Variants in LTBP2 observed in about 807,000 individuals in gnomAD.
LTBP2 encodes latent transforming growth factor beta binding protein 2.
LTBP2 carries 103 observed loss-of-function variants against 210.6 expected under a neutral mutation model. That is an observed-to-expected ratio of 0.49 (90% CI 0.42 to 0.58). LTBP2 has a LOEUF of 0.58. Ranked by LOEUF, LTBP2 falls within the 20% of genes least tolerant of loss-of-function variation. The pLI is 0.00. For missense variants in LTBP2, 2,313 were observed against 2,494.5 expected, an observed-to-expected ratio of 0.93 and a Z score of 1.55; for synonymous variants, 1,007 against 1,015.0, an observed-to-expected ratio of 0.99 and a Z score of 0.15.
chr14:74,582,200 G>A (rs1034668998), intron 3 of LTBP2, among the ~76,000 whole-genome samples: 1 of 151,690 alleles, frequency 6.6e-6, no homozygotes, highest in African/African-American at 2.4e-5. Context: ...CCCAGTGGAG[G>A]TCCCTCCCAT....
intron 2 of LTBP2, among the ~76,000 whole-genome samples, chr14:74,596,718 G>C (rs2088370263): frequency 1.3e-5 from 2 of 152,226 alleles, no homozygotes; most frequent in African/African-American, 4.8e-5. Flanking sequence ...TTGGTAATGG[G>C]TTGATGTCAA....
intron 21 of LTBP2, 72 bp from the exon 22 acceptor site, chr14:74,509,435 G>T (rs1449013965): frequency 6.2e-7 from 1 of 1,602,624 alleles, no homozygotes; most frequent in Non-Finnish European, 8.5e-7. Flanking sequence ...GAACCTCACC[G>T]TGGCTTCCCT....
chr14:74,586,103 G>A lies in LTBP2; in HGVS notation c.581C>T (p.Pro194Leu), dbSNP rs377678370. Residue 194 changes from proline (P) to leucine (L), a missense_variant, in exon 3 of 36, where the codon CCG (proline) becomes CTG (leucine). Transcript: ENST00000261978. The surrounding 1 kb of genome is among the most constrained non-coding windows in gnomAD (Gnocchi z 4.6). ...NHCIKPVCEP[P>L]CQNRGSCSRP... Reference sequence around the variant, plus strand: ...GCTGCAGGAGCCCCGGTTCTGGCACGGCGGCTCGCAAACGGCTGAGGACAC... The same window carrying A: ...GCTGCAGGAGCCCCGGTTCTGGCACAGCGGCTCGCAAACGGCTGAGGACAC... 49 of 1,596,744 alleles carry A rather than the reference G, an allele frequency of 3.1e-5. No homozygotes were observed. Among genetic ancestry groups the A allele is most frequent in the Admixed American group, 8.7e-5 (5 of 57,314 alleles).
Position 74,611,984 on chromosome 14 carries a change from G to C in LTBP2, c.-40C>G. Reference sequence around the variant, plus strand: ...GGAGAGTGGTGCGCGCGGGCACCGCGAAGAGCTTTGTGGTCGGCACGCTGG... The same window carrying C: ...GGAGAGTGGTGCGCGCGGGCACCGCCAAGAGCTTTGTGGTCGGCACGCTGG... On this transcript the variant is annotated 5_prime_UTR_variant, in exon 1 of 36. Coordinates refer to ENST00000261978, the MANE Select transcript of LTBP2 (RefSeq NM_000428.3). 2 of 1,514,878 alleles carry C rather than the reference G, an allele frequency of 1.3e-6. No homozygotes were observed. Among genetic ancestry groups the C allele is most frequent in the Non-Finnish European group, 1.8e-6 (2 of 1,140,566 alleles). The allele number at this position is 1,514,878 out of a possible 1,614,324, so 93.8% of individuals were successfully genotyped here.
intron 2 of LTBP2, among the ~76,000 whole-genome samples, chr14:74,597,028 C>T (rs2088375557): frequency 6.6e-6 from 1 of 152,184 alleles, no homozygotes; most frequent in Non-Finnish European, 1.5e-5. Context: ...CATGAGAAGG[C>T]AGCAGATTGT....
At chr14:74,540,541 G>A (rs376410987) in intron 8 of LTBP2, among the ~76,000 whole-genome samples, 5 of 150,634 alleles carry the variant, frequency 3.3e-5, no homozygotes, top group South Asian at 2.1e-4. Flanking sequence ...CGAGGCGGGC[G>A]GATCATGAGG....
At chr14:74,533,577 G>A (rs529918677) in intron 9 of LTBP2, among the ~76,000 whole-genome samples, 4 of 152,232 alleles carry the variant, frequency 2.6e-5, no homozygotes, top group Non-Finnish European at 5.9e-5. Flanking sequence ...CACTGAAGGG[G>A]AAGGGGACAG....
chr14:74,562,706 G>A (rs1459276706), intron 3 of LTBP2, among the ~76,000 whole-genome samples: 1 of 152,176 alleles, frequency 6.6e-6, no homozygotes, highest in African/African-American at 2.4e-5. Flanking sequence ...TGAAAACTAT[G>A]CTGAGGTAGC....
chr14:74,513,314 T>G (rs763455195), intron 18 of LTBP2, among the ~76,000 whole-genome samples: 20 of 152,162 alleles, frequency 1.3e-4, no homozygotes, highest in Non-Finnish European at 2.4e-4. Context: ...ATGAGACTAG[T>G]GAGGGCCAAC....
rs753472367 is a variant in LTBP2 at position 74,553,049 on chromosome 14, C to T, written c.1035G>A (p.Thr345=). ...CGATCTTGATCTTCTTGATTTTCTCCGTGAGGTTCAGCCCTGCAGAGAGAG... is the reference window on the plus strand; with the variant it reads ...CGATCTTGATCTTCTTGATTTTCTCTGTGAGGTTCAGCCCTGCAGAGAGAG... ...HPSSPWGLNL[T]EKIKKIKIVF... Residue 345 remains threonine (T), a synonymous_variant, in exon 5 of 36, where the codon ACG becomes ACA. Transcript: ENST00000261978. 7.4e-6 allele frequency: 12 copies of T among 1,614,106 alleles called. No homozygotes were observed. The highest frequency in any genetic ancestry group is 5.5e-5 in the South Asian group (5 of 91,070).
Position 74,510,091 on chromosome 14 carries a change from CT to C in LTBP2, c.3150del (p.Asp1051MetfsTer34), listed in dbSNP as rs1330444080. Reference sequence around the variant, plus strand: ...AAGGGGCGCTTCAGCATCTCTGTACCTTGGCAGCCCTTCTCATCTGAGGTGA... The same window carrying C: ...AAGGGGCGCTTCAGCATCTCTGTACCTGGCAGCCCTTCTCATCTGAGGTGA... Reference protein sequence around the residue: ...YEVTSDEKGCQDVDECASRAS... With the variant: ...YEVTSDEKGCXDVDECASRAS... On this transcript the variant is annotated frameshift_variant and splice_region_variant, in exon 20 of 36. Transcript: ENST00000261978. LOFTEE classifies it high-confidence loss of function. 6 of 1,614,086 alleles carry C rather than the reference CT, an allele frequency of 3.7e-6. 1 individual carries two copies. The Admixed American group carries it at 1.0e-4, about 27-fold the overall frequency.
intron 1 of LTBP2, among the ~76,000 whole-genome samples, chr14:74,610,905 C>A (rs1258918615): frequency 6.6e-6 from 1 of 152,242 alleles, no homozygotes; most frequent in Non-Finnish European, 1.5e-5. Flanking sequence ...CCGCATCCAG[C>A]CCTCAGCGTG....
chr14:74,556,154 A>G (rs967136884), intron 3 of LTBP2, among the ~76,000 whole-genome samples: 3 of 152,126 alleles, frequency 2.0e-5, no homozygotes, highest in Admixed American at 2.0e-4. Flanking sequence ...CCCAACAAAC[A>G]CACCTTCAAG....
chr14:74,524,533 C>T (rs1038488951), intron 15 of LTBP2, among the ~76,000 whole-genome samples: 4 of 152,174 alleles, frequency 2.6e-5, no homozygotes, highest in Admixed American at 2.0e-4. Flanking sequence ...TTCTCCTGCA[C>T]CAAGTCCCCA....
chr14:74,604,826 C>T (rs2088501828), intron 1 of LTBP2, among the ~76,000 whole-genome samples: 2 of 152,148 alleles, frequency 1.3e-5, no homozygotes, highest in East Asian at 3.9e-4. Context: ...CTGAGGGCAC[C>T]CCCATGAGAC....
chr14:74,517,677 G>A lies in LTBP2; in HGVS notation c.2789-736C>T, dbSNP rs537281659. On this transcript the variant is annotated intron_variant, in intron 17 of 35. Transcript: ENST00000261978. The stretch of plus-strand genomic sequence containing the variant: ...CATGAACCACTGCACCTGGCCTCCT[G>A]GAGTCCTTCCTAAGGACCTTCATAA... Among the ~76,000 whole-genome samples, 3 of 152,296 alleles carry A rather than the reference G, an allele frequency of 2.0e-5. No homozygotes were observed. In the South Asian group the frequency reaches 6.2e-4, roughly 32 times the overall value.
intron 8 of LTBP2, among the ~76,000 whole-genome samples, chr14:74,545,666 G>A (rs1324137566): frequency 1.3e-5 from 2 of 152,260 alleles, no homozygotes; most frequent in African/African-American, 4.8e-5. Context: ...CAGCCCAGAT[G>A]TCTGTCTTTC....
chr14:74,592,407 G>T (rs1400441932), intron 2 of LTBP2, among the ~76,000 whole-genome samples: 1 of 152,160 alleles, frequency 6.6e-6, no homozygotes, highest in Non-Finnish European at 1.5e-5. Flanking sequence ...GGTGGCTCAC[G>T]CCTGTAATCC....
intron 2 of LTBP2, among the ~76,000 whole-genome samples, chr14:74,600,700 CCAT>C (rs1000640119): frequency 2.6e-5 from 4 of 152,264 alleles, no homozygotes; most frequent in African/African-American, 9.6e-5. Flanking sequence ...GCAACATTCT[CCAT>C]CAGCCAACGC....
Sources: allele counts gnomAD v4.1 joint callset (sites outside exome capture counted in the v4.1 genomes callset), GRCh38; gene constraint gnomAD v4.1.1; non-coding constraint Gnocchi (gnomAD v3.1); transcripts MANE v1.5; gene names NCBI Gene and HGNC (gene_info 2026-07-23, HGNC 2026-07-21).